Variants in CFAP95 observed in about 807,000 individuals in gnomAD.
CFAP95 encodes the protein cilia and flagella associated protein 95.
chr9:69,887,919 A>G, the CFAP95 span, among the ~76,000 whole-genome samples: 32 of 152,334 alleles, frequency 2.1e-4, no homozygotes, highest in Non-Finnish European at 4.0e-4. Context: ...TAATCAGCTT[A>G]GCAGAGCCTG....
the CFAP95 span, among the ~76,000 whole-genome samples, chr9:69,877,556 A>T: frequency 6.6e-6 from 1 of 152,198 alleles, no homozygotes; most frequent in African/African-American, 2.4e-5. Context: ...TGCAAGTATA[A>T]ATGGGATTTT....
chr9:69,827,555 T>C, the CFAP95 span, among the ~76,000 whole-genome samples: 1 of 152,220 alleles, frequency 6.6e-6, no homozygotes, highest in African/African-American at 2.4e-5. Flanking sequence ...CTACCATCTG[T>C]ATGTGTACGA....
At chr9:69,835,114 G>T in the CFAP95 span, among the ~76,000 whole-genome samples, 2 of 152,150 alleles carry the variant, frequency 1.3e-5, no homozygotes, top group African/African-American at 4.8e-5. Flanking sequence ...GATAGCAGAT[G>T]ATTATAAAAA....
chr9:69,904,113 A>C, the CFAP95 span, among the ~76,000 whole-genome samples: 1 of 152,138 alleles, frequency 6.6e-6, no homozygotes. Flanking sequence ...GTGTTTTTTT[A>C]GTATATTTAT....
the CFAP95 span, among the ~76,000 whole-genome samples, chr9:69,883,365 G>C: frequency 2.0e-5 from 3 of 152,010 alleles, no homozygotes; most frequent in Non-Finnish European, 2.9e-5. Context: ...TGGAGGGGAG[G>C]TTATCTTGGG....
At chr9:69,833,398 C>T in the CFAP95 span, among the ~76,000 whole-genome samples, 5 of 152,278 alleles carry the variant, frequency 3.3e-5, no homozygotes, top group South Asian at 2.1e-4. Flanking sequence ...TACGGGGTTT[C>T]GCCATGTTGG....
chr9:69,885,737 A>G, the CFAP95 span, among the ~76,000 whole-genome samples: 1 of 152,076 alleles, frequency 6.6e-6, no homozygotes, highest in Non-Finnish European at 1.5e-5. Context: ...ACTATTCTTC[A>G]GCGGTCACCT....
chr9:69,842,773 C>T, the CFAP95 span, among the ~76,000 whole-genome samples: 1 of 152,176 alleles, frequency 6.6e-6, no homozygotes, highest in South Asian at 2.1e-4. Flanking sequence ...TCATAAAATG[C>T]TGGTAGGTTA....
the CFAP95 span, among the ~76,000 whole-genome samples, chr9:69,872,081 AG>A: frequency 6.6e-6 from 1 of 152,124 alleles, no homozygotes; most frequent in South Asian, 2.1e-4. Flanking sequence ...ACTTTCCAAA[AG>A]TTTTTCATCC....
chr9:69,822,081 C>CTTTCT, the CFAP95 span, among the ~76,000 whole-genome samples: 1 of 152,116 alleles, frequency 6.6e-6, no homozygotes, highest in Non-Finnish European at 1.5e-5. Flanking sequence ...AAAGTGGAAA[C>CTTTCT]TTTTAGGACT....
chr9:69,850,374 A>T, the CFAP95 span, among the ~76,000 whole-genome samples: 1 of 152,264 alleles, frequency 6.6e-6, no homozygotes, highest in Non-Finnish European at 1.5e-5. Context: ...TGGATTTAAA[A>T]ATGGCAAATA....
the CFAP95 span, among the ~76,000 whole-genome samples, chr9:69,888,340 A>G: frequency 1.3e-5 from 2 of 152,080 alleles, no homozygotes; most frequent in Non-Finnish European, 2.9e-5. Context: ...GAAACAGCAA[A>G]TGTGGTAGTT....
the CFAP95 span, among the ~76,000 whole-genome samples, chr9:69,892,522 C>T: frequency 1.3e-5 from 2 of 152,206 alleles, no homozygotes; most frequent in Non-Finnish European, 2.9e-5. Context: ...TTTTCTATTT[C>T]CTAATGATAC....
chr9:69,850,662 G>C, the CFAP95 span, among the ~76,000 whole-genome samples: 1 of 152,110 alleles, frequency 6.6e-6, no homozygotes, highest in Non-Finnish European at 1.5e-5. Context: ...CTAAGCACCT[G>C]AAAGGGGTAT....
the CFAP95 span, among the ~76,000 whole-genome samples, chr9:69,874,788 A>T: frequency 6.6e-6 from 1 of 152,208 alleles, no homozygotes; most frequent in African/African-American, 2.4e-5. Flanking sequence ...TGGACCTAAG[A>T]GCCACGAGTA....
the CFAP95 span, among the ~76,000 whole-genome samples, chr9:69,875,209 T>A: frequency 3.2e-3 from 494 of 152,260 alleles, 5 homozygotes; most frequent in African/African-American, 0.011. Flanking sequence ...CCCTGTTTTT[T>A]GGATTTTTTT....
chr9:69,868,623 A>T, the CFAP95 span, among the ~76,000 whole-genome samples: 4 of 149,074 alleles, frequency 2.7e-5, no homozygotes, highest in East Asian at 5.9e-4. Flanking sequence ...ATGCCATTGC[A>T]CTCCAGCCTG....
chr9:69,821,741 C>A, the CFAP95 span, among the ~76,000 whole-genome samples: 1 of 146,090 alleles, frequency 6.8e-6, no homozygotes. Context: ...GCTCTGTTTA[C>A]TTTTTTTTTT....
the CFAP95 span, among the ~76,000 whole-genome samples, chr9:69,830,448 T>C: frequency 1.3e-5 from 2 of 152,296 alleles, no homozygotes; most frequent in African/African-American, 4.8e-5. Context: ...GAACATAACC[T>C]ATTAATATAT....
Sources: allele counts gnomAD v4.1 joint callset (sites outside exome capture counted in the v4.1 genomes callset), GRCh38; gene constraint gnomAD v4.1.1; transcripts MANE v1.5; gene names NCBI Gene and HGNC (gene_info 2026-07-23, HGNC 2026-07-21).